CFAP54: variants seen among roughly 807,000 people sequenced by gnomAD.
CFAP54 encodes the protein cilia- and flagella-associated protein 54.
CFAP54 carries 290 observed loss-of-function variants against 370.4 expected under a neutral mutation model. The ratio of observed to expected loss-of-function variants is 0.78; its 90% CI spans 0.71 to 0.86. CFAP54 has a LOEUF of 0.86. Among genes scored for constraint, CFAP54 ranks in the 40% least tolerant of loss-of-function variants. CFAP54 has a pLI of 0.00. For synonymous variants in CFAP54, 1,206 were observed against 1,236.5 expected, an observed-to-expected ratio of 0.98 and a Z score of 0.52; for missense variants, 3,399 against 3,528.7, an observed-to-expected ratio of 0.96 and a Z score of 0.93.
At chr12:96,663,796 C>T (rs182746234) in intron 38 of CFAP54, 34 bp from the exon 39 acceptor site, 427 of 1,476,890 alleles carry the variant, frequency 2.9e-4, no homozygotes, top group Admixed American at 2.0e-3. Flanking sequence ...TATAAATACC[C>T]GACTAATATT....
chr12:96,539,095 G>T (rs1955542719), intron 13 of CFAP54, among the ~76,000 whole-genome samples: 1 of 75,964 alleles, frequency 1.3e-5, no homozygotes, highest in Non-Finnish European at 3.1e-5. Context: ...TTTTTGAGAT[G>T]GAGTCTTGCT....
At chr12:96,701,509 G>A (rs916210487) in intron 46 of CFAP54, among the ~76,000 whole-genome samples, 2 of 152,036 alleles carry the variant, frequency 1.3e-5, no homozygotes, top group Non-Finnish European at 2.9e-5. Context: ...AAGCACATAA[G>A]TATATGTCAG....
At chr12:96,560,246 C>T (rs1955801395) in intron 17 of CFAP54, among the ~76,000 whole-genome samples, 2 of 152,252 alleles carry the variant, frequency 1.3e-5, no homozygotes, top group South Asian at 4.1e-4. Flanking sequence ...TATGTTTGTA[C>T]TCATTAACCA....
chr12:96,679,486 A>G (rs1957246826), intron 39 of CFAP54, 114 bp from the exon 40 acceptor site: 5 of 1,148,028 alleles, frequency 4.4e-6, no homozygotes, highest in Non-Finnish European at 5.9e-6. Context: ...GGGGCTTTGA[A>G]TTTAGCGGCT....
At chr12:96,726,478 A>G (rs1231078380) in intron 50 of CFAP54, among the ~76,000 whole-genome samples, 1 of 152,200 alleles carries the variant, frequency 6.6e-6, no homozygotes, top group East Asian at 1.9e-4. Flanking sequence ...TGTTTATAGT[A>G]TTCTCTGATG....
Position 96,623,892 on chromosome 12 carries a change from G to A in CFAP54, c.3886+11G>A. 1 of 1,473,414 alleles carries A rather than the reference G, an allele frequency of 6.8e-7. No homozygotes were observed. The allele number at this position is 1,473,414 out of a possible 1,614,324, so 91.3% of individuals were successfully genotyped here. A position where few individuals can be genotyped will look rare whatever the true frequency, so the allele number is the denominator to read the frequency against. ...AACTGACAAAGCAATGTAATCATTTGTTTTCTGTATACTTCCATTTAGCAT... is the reference window on the plus strand; with the variant it reads ...AACTGACAAAGCAATGTAATCATTTATTTTCTGTATACTTCCATTTAGCAT... On this transcript the variant is annotated intron_variant, in intron 28 of 67. Coordinates refer to ENST00000524981, the MANE Select transcript of CFAP54 (RefSeq NM_001306084.2).
intron 47 of CFAP54, among the ~76,000 whole-genome samples, chr12:96,707,848 C>T (rs1159977701): frequency 2.0e-5 from 3 of 151,882 alleles, no homozygotes; most frequent in Admixed American, 2.0e-4. Flanking sequence ...AGGTCATTGG[C>T]TGGGAGGAAA....
intron 26 of CFAP54, among the ~76,000 whole-genome samples, chr12:96,611,170 G>T (rs981700141): frequency 6.6e-6 from 1 of 152,208 alleles, no homozygotes; most frequent in East Asian, 1.9e-4. Context: ...ACATGGCTGG[G>T]TACCCCTCTG....
intron 60 of CFAP54, among the ~76,000 whole-genome samples, chr12:96,772,890 G>T (rs1164764394): frequency 6.6e-6 from 1 of 152,146 alleles, no homozygotes; most frequent in Non-Finnish European, 1.5e-5. Context: ...GATTACAGGC[G>T]TGAGCCACCA....
chr12:96,739,395 G>T (rs1009298869), intron 50 of CFAP54, among the ~76,000 whole-genome samples: 11 of 152,160 alleles, frequency 7.2e-5, no homozygotes, highest in Admixed American at 7.2e-4. Flanking sequence ...AGGAAGTGAA[G>T]AATTCCTAAC....
intron 55 of CFAP54, among the ~76,000 whole-genome samples, chr12:96,752,085 T>TGAGAGACA (rs1555318323): frequency 1.1e-5 from 1 of 90,566 alleles, no homozygotes; most frequent in African/African-American, 3.9e-5. Context: ...TCTTCCTGGA[T>TGAGAGACA]GAGAGAGAGA....
intron 66 of CFAP54, among the ~76,000 whole-genome samples, chr12:96,837,029 C>A (rs551710028): frequency 9.2e-5 from 14 of 152,200 alleles, no homozygotes; most frequent in Admixed American, 7.9e-4. Context: ...ATCGTGTTGC[C>A]CAGGCTGGTC....
intron 58 of CFAP54, among the ~76,000 whole-genome samples, chr12:96,758,200 G>A (rs964001043): frequency 3.9e-5 from 6 of 152,152 alleles, no homozygotes; most frequent in African/African-American, 1.4e-4. Flanking sequence ...AGGAGGAAAG[G>A]TGGGAGGAAA....
intron 32 of CFAP54, among the ~76,000 whole-genome samples, chr12:96,633,624 T>G (rs1476927305): frequency 6.6e-6 from 1 of 152,248 alleles, no homozygotes; most frequent in Non-Finnish European, 1.5e-5. Context: ...CACTTATTAT[T>G]GCTTAGTAGT....
chr12:96,681,814 A>C (rs1284203422), intron 40 of CFAP54, among the ~76,000 whole-genome samples: 2 of 151,814 alleles, frequency 1.3e-5, no homozygotes, highest in African/African-American at 2.4e-5. Flanking sequence ...GGCCAGGCTG[A>C]TCTCAAACTC....
chr12:96,828,616 G>C (rs916685207), intron 65 of CFAP54, among the ~76,000 whole-genome samples: 1 of 152,118 alleles, frequency 6.6e-6, no homozygotes, highest in Admixed American at 6.5e-5. Context: ...CATCCATGCA[G>C]CAGGGCTGTG....
chr12:96,670,210 C>G (rs899065853), intron 39 of CFAP54, among the ~76,000 whole-genome samples: 6 of 152,092 alleles, frequency 3.9e-5, no homozygotes, highest in African/African-American at 1.4e-4. Flanking sequence ...TGGGCACAGC[C>G]TTTGCTAGAC....
intron 65 of CFAP54, among the ~76,000 whole-genome samples, chr12:96,824,773 AGT>A (rs1246917366): frequency 6.6e-6 from 1 of 152,138 alleles, no homozygotes; most frequent in Admixed American, 6.6e-5. Context: ...GTCTCTTTCC[AGT>A]GCAGTTCACT....
chr12:96,866,160 C>T (rs551705053), intron 67 of CFAP54, among the ~76,000 whole-genome samples: 1 of 152,160 alleles, frequency 6.6e-6, no homozygotes, highest in African/African-American at 2.4e-5. Flanking sequence ...TTTCTCTTTA[C>T]TAACACTCAT....
Sources: gnomAD v4.1 joint callset for allele counts (sites outside exome capture counted in the v4.1 genomes callset) on GRCh38, gnomAD v4.1.1 for gene constraint, MANE v1.5 for transcripts, NCBI Gene and HGNC (gene_info 2026-07-23, HGNC 2026-07-21) for gene names.